Variants in CELF1 observed in about 807,000 individuals in gnomAD.
The protein encoded by CELF1 is CUGBP Elav-like family member 1.
CELF1 carries 10 observed loss-of-function variants against 61.8 expected under a neutral mutation model. The ratio of observed to expected loss-of-function variants is 0.16; its 90% CI spans 0.10 to 0.27. The LOEUF (loss-of-function observed/expected upper bound fraction) is 0.27. Ranked by LOEUF, CELF1 falls within the 10% of genes least tolerant of loss-of-function variation. The pLI, the probability that CELF1 is intolerant of heterozygous loss-of-function variation, is 1.00. For synonymous variants in CELF1, 236 were observed against 225.1 expected, an observed-to-expected ratio of 1.05 and a Z score of -0.43; for missense variants, 380 against 639.1, an observed-to-expected ratio of 0.59 and a Z score of 4.37.
At chr11:47,497,674 A>G (rs1352787341) in intron 3 of CELF1, among the ~76,000 whole-genome samples, 1 of 152,228 alleles carries the variant, frequency 6.6e-6, no homozygotes, top group Admixed American at 6.5e-5. Flanking sequence ...ACCTGTGTTA[A>G]GTCCACTAGC....
At chr11:47,509,047 G>C (rs536375435) in intron 1 of CELF1, among the ~76,000 whole-genome samples, 110 of 152,274 alleles carry the variant, frequency 7.2e-4, no homozygotes, top group East Asian at 1.5e-3. Context: ...GGGATTATAG[G>C]GGGTGAGCCA....
chr11:47,529,653 C>T (rs1297433534), intron 1 of CELF1, among the ~76,000 whole-genome samples: 1 of 151,114 alleles, frequency 6.6e-6, no homozygotes, highest in Admixed American at 6.6e-5. Flanking sequence ...AGCGAGACTC[C>T]GACTCGGGAA....
chr11:47,551,945 G>A (rs1414206629), intron 1 of CELF1, among the ~76,000 whole-genome samples: 6 of 151,610 alleles, frequency 4.0e-5, no homozygotes, highest in African/African-American at 1.5e-4. Flanking sequence ...TTGAACCTGG[G>A]GAGGTTGCAG....
chr11:47,483,432 C>CATCACCTATCTGCTCCCT (rs1319801907), intron 8 of CELF1, 21 bp downstream of exon 8: 2 of 1,602,826 alleles, frequency 1.2e-6, no homozygotes, highest in Non-Finnish European at 1.7e-6. Context: ...GAATTTTCCC[C>CATCACCTATCTGCTCCCT]ATCACCTATC....
At chr11:47,556,275 C>G (rs1423722569), upstream of CELF1, among the ~76,000 whole-genome samples, 3 of 152,130 alleles carry the variant, frequency 2.0e-5, no homozygotes, top group Non-Finnish European at 4.4e-5. Flanking sequence ...ACCTTGAACT[C>G]CTGGGTTCAT....
chr11:47,523,903 T>C (rs1354968120), intron 1 of CELF1: 2 of 152,204 alleles, frequency 1.3e-5, no homozygotes, highest in Non-Finnish European at 2.9e-5. Flanking sequence ...AGTATCCTTT[T>C]AAAATACAGT....
At chr11:47,499,806 G>A in intron 2 of CELF1, 1 of 408,254 alleles carries the variant, frequency 2.4e-6, no homozygotes, top group Non-Finnish European at 4.5e-6. Flanking sequence ...AATTTTCCCT[G>A]GCGAAGCAGT....
chr11:47,522,919 T>C (rs2096023964), intron 1 of CELF1, among the ~76,000 whole-genome samples: 2 of 152,076 alleles, frequency 1.3e-5, no homozygotes, highest in Admixed American at 1.3e-4. Flanking sequence ...TCCAAAATAT[T>C]TCCTAGCAGG....
rs112915547 is a variant in CELF1, at chr11:47,497,846, C to G, written c.71+1607G>C. 1.6e-3 allele frequency among the ~76,000 whole-genome samples: 244 copies of G among 152,236 alleles called. 1 individual carries two copies. The highest frequency in any genetic ancestry group is 5.7e-3 in the African/African-American group (235 of 41,538). On this transcript the variant is annotated intron_variant, in intron 3 of 14. Coordinates refer to ENST00000687097, the MANE Select transcript of CELF1 (RefSeq NM_001376376.1). ...ATGGGATATTGAATGGGTCCAATCT[C>G]TTAAAAGATTAGAAAGCAGGCTGAG...
At chr11:47,499,417 T>C (rs1311986419) in intron 3 of CELF1, 36 bp downstream of exon 3, 6 of 1,487,436 alleles carry the variant, frequency 4.0e-6, no homozygotes, top group Non-Finnish European at 5.4e-6. Context: ...CCAGTTCCTC[T>C]GCTTATGATA....
At chr11:47,513,163 C>T (rs1364036513) in intron 1 of CELF1, among the ~76,000 whole-genome samples, 1 of 152,228 alleles carries the variant, frequency 6.6e-6, no homozygotes, top group African/African-American at 2.4e-5. Context: ...GTTTAGTCCA[C>T]ATCACATACA....
At chr11:47,472,806 A>C (rs1233130490) in intron 14 of CELF1, among the ~76,000 whole-genome samples, 1 of 152,154 alleles carries the variant, frequency 6.6e-6, no homozygotes, top group African/African-American at 2.4e-5. Context: ...TGGCCTCCCC[A>C]AGTACTGGGA....
intron 13 of CELF1, among the ~76,000 whole-genome samples, chr11:47,474,884 T>A (rs896637683): frequency 6.6e-6 from 1 of 152,144 alleles, no homozygotes; most frequent in African/African-American, 2.4e-5. Context: ...CCAAACTCTG[T>A]CCCATCACCC....
exon 1 of CELF1, chr11:47,565,480 C>T: frequency 1.4e-6 from 1 of 737,928 alleles, no homozygotes; most frequent in Non-Finnish European, 1.8e-6. Flanking sequence ...CCCCAGAGTC[C>T]AGGCCAGTCC....
chr11:47,536,215 A>G (rs566737509), intron 1 of CELF1, among the ~76,000 whole-genome samples: 75 of 152,086 alleles, frequency 4.9e-4, no homozygotes, highest in African/African-American at 1.8e-3. Context: ...CTAAAAATAG[A>G]AAAATTAGCT....
At chr11:47,491,348 A>G (rs2091382602) in intron 3 of CELF1, among the ~76,000 whole-genome samples, 1 of 151,538 alleles carries the variant, frequency 6.6e-6, no homozygotes, top group African/African-American at 2.4e-5. Flanking sequence ...TTTTTAGTAG[A>G]GCTGGGGTTT....
chr11:47,511,677 T>C (rs1031100971), intron 1 of CELF1, among the ~76,000 whole-genome samples: 1 of 152,204 alleles, frequency 6.6e-6, no homozygotes, highest in Non-Finnish European at 1.5e-5. Flanking sequence ...TTAATCCTCA[T>C]ACGTACGCTA....
At chr11:47,510,913 G>A (rs2095091425) in intron 1 of CELF1, among the ~76,000 whole-genome samples, 1 of 152,112 alleles carries the variant, frequency 6.6e-6, no homozygotes, top group African/African-American at 2.4e-5. Flanking sequence ...TGGGTACAGT[G>A]GCTCATACCT....
chr11:47,551,039 T>TAA, intron 1 of CELF1, among the ~76,000 whole-genome samples: 1 of 146,750 alleles, frequency 6.8e-6, no homozygotes, highest in African/African-American at 2.5e-5. Flanking sequence ...TGATATTGTT[T>TAA]AAAAAAAAAA....
Sources: allele counts gnomAD v4.1 joint callset (sites outside exome capture counted in the v4.1 genomes callset), GRCh38; gene constraint gnomAD v4.1.1; transcripts MANE v1.5; gene names NCBI Gene and HGNC (gene_info 2026-07-23, HGNC 2026-07-21).